SNCAIP: variants seen among roughly 807,000 people sequenced by gnomAD.
SNCAIP encodes the protein synuclein alpha interacting protein.
A neutral mutation model predicts 86.7 loss-of-function variants in SNCAIP; 43 were observed. That is an observed-to-expected ratio of 0.50 (90% confidence interval 0.39 to 0.64). SNCAIP has a LOEUF of 0.64. Ranked by LOEUF, SNCAIP falls within the 30% of genes least tolerant of loss-of-function variation. The pLI is 0.00. For missense variants in SNCAIP, 981 were observed against 1,103.1 expected (o/e 0.89, Z 1.57); for synonymous variants, 417 against 427.2 (o/e 0.98, Z 0.29).
intron 2 of SNCAIP, among the ~76,000 whole-genome samples, chr5:122,394,421 C>T (rs2152848095): frequency 1.3e-5 from 2 of 152,280 alleles, no homozygotes; most frequent in South Asian, 4.2e-4. Context: ...TGAAGTTTCC[C>T]AGACTAGAAA....
intron 1 of SNCAIP, among the ~76,000 whole-genome samples, chr5:122,331,775 A>AT (rs1755394716): frequency 6.6e-6 from 1 of 151,972 alleles, no homozygotes; most frequent in Admixed American, 6.6e-5. Flanking sequence ...ACTTTGCATT[A>AT]TTTTTTCATC....
intron 1 of SNCAIP, among the ~76,000 whole-genome samples, chr5:122,375,748 A>G (rs1314382365): frequency 6.6e-6 from 1 of 152,078 alleles, no homozygotes; most frequent in East Asian, 1.9e-4. Flanking sequence ...TTGAAAAAAA[A>G]TAATAAAAAT....
intron 1 of SNCAIP, among the ~76,000 whole-genome samples, chr5:122,385,605 C>T (rs1477410213): frequency 1.3e-5 from 2 of 151,656 alleles, no homozygotes; most frequent in South Asian, 2.1e-4. Flanking sequence ...AGCCCAATAT[C>T]GATGTTCAGG....
chr5:122,440,928 G>C (rs958293488), intron 7 of SNCAIP, 174 bp downstream of exon 7: 1 of 660,692 alleles, frequency 1.5e-6, no homozygotes, highest in African/African-American at 1.8e-5. Context: ...AATGTAGGTA[G>C]GCATAAATAT....
intron 2 of SNCAIP, among the ~76,000 whole-genome samples, chr5:122,396,188 G>A (rs1460748688): frequency 6.6e-6 from 1 of 152,044 alleles, no homozygotes; most frequent in Non-Finnish European, 1.5e-5. Flanking sequence ...CTCACACCTT[G>A]TTCTAACATC....
At chr5:122,316,825 T>C (rs1315491150) in intron 1 of SNCAIP, among the ~76,000 whole-genome samples, 8 of 152,200 alleles carry the variant, frequency 5.3e-5, no homozygotes, top group Admixed American at 4.6e-4. Context: ...GGTGGTGCCC[T>C]TACCGCAAAG....
intron 2 of SNCAIP, among the ~76,000 whole-genome samples, chr5:122,391,490 C>T (rs1336837412): frequency 2.0e-5 from 3 of 152,190 alleles, no homozygotes; most frequent in Admixed American, 1.3e-4. Context: ...AATGCAGCCA[C>T]TTTCATAGAG....
intron 2 of SNCAIP, among the ~76,000 whole-genome samples, chr5:122,398,334 G>C (rs933045112): frequency 6.6e-6 from 1 of 152,124 alleles, no homozygotes; most frequent in Non-Finnish European, 1.5e-5. Context: ...GGTTAGCAGT[G>C]GAGGAGCAGA....
At chr5:122,349,317 T>G (rs2152739878) in intron 1 of SNCAIP, among the ~76,000 whole-genome samples, 1 of 152,254 alleles carries the variant, frequency 6.6e-6, no homozygotes, top group Middle Eastern at 3.4e-3. Context: ...CCCAGGGCTG[T>G]AGAGAGGTAG....
chr5:122,427,382 T>C (rs1477514980), intron 5 of SNCAIP, among the ~76,000 whole-genome samples: 1 of 152,068 alleles, frequency 6.6e-6, no homozygotes, highest in East Asian at 1.9e-4. Context: ...CAGTGTTTTT[T>C]TTTTTTTCAT....
chr5:122,338,009 G>A (rs1345654903), intron 1 of SNCAIP, among the ~76,000 whole-genome samples: 1 of 152,280 alleles, frequency 6.6e-6, no homozygotes, highest in African/African-American at 2.4e-5. Flanking sequence ...AATAAGGAGA[G>A]TCATTGTAAT....
At chr5:122,325,303 A>G (rs147558242) in intron 1 of SNCAIP, among the ~76,000 whole-genome samples, 53 of 152,208 alleles carry the variant, frequency 3.5e-4, no homozygotes, top group African/African-American at 1.2e-3. Flanking sequence ...TCAGCAAAAG[A>G]TTAACAAACA....
In SNCAIP at chr5:122,385,730, CT is replaced by C. The variant is rs760091579; in HGVS notation, c.-46-5358del. Reference sequence around the variant, plus strand: ...GTGTGTGTAGGGGTGCAGGGAGCGGCTGTGTTTTTCTAAGAGCTGGTATATT... The same window carrying C: ...GTGTGTGTAGGGGTGCAGGGAGCGGCGTGTTTTTCTAAGAGCTGGTATATT... On this transcript the variant is annotated intron_variant, in intron 1 of 10. Transcript: ENST00000261368. 6.7e-5 allele frequency among the ~76,000 whole-genome samples: 10 copies of C among 149,250 alleles called. No individual in the cohort carries two copies. The East Asian group carries it at 2.0e-3, about 29-fold the overall frequency.
At chr5:122,463,019 A>T (rs551144345) in intron 10 of SNCAIP, among the ~76,000 whole-genome samples, 22 of 152,208 alleles carry the variant, frequency 1.4e-4, no homozygotes, top group Non-Finnish European at 2.2e-4. Flanking sequence ...TCTACTTATG[A>T]TCTTTCAACA....
chr5:122,451,028 A>C lies in SNCAIP; in HGVS notation c.2181A>C (p.Ala727=), dbSNP rs144156662. The C allele has an allele frequency of 1.2e-6, 2 of 1,614,184 alleles. No homozygotes were observed. The highest frequency in any genetic ancestry group is 1.7e-6 in the Non-Finnish European group (2 of 1,180,018). Residue 727 remains alanine (A), a synonymous_variant, in exon 10 of 11, where the codon GCA becomes GCC. Transcript: ENST00000261368. ...LHLMIKKHTL[A]SGGRRFPFSI... The stretch of plus-strand genomic sequence containing the variant: ...TGATGATTAAGAAACACACCTTGGC[A>C]TCAGGGGGACGCAGGTTTCCTTTCA...
At chr5:122,312,195 T>C (rs1333345622), upstream of SNCAIP, 1 of 151,312 alleles carries the variant, frequency 6.6e-6, no homozygotes, top group Non-Finnish European at 1.5e-5. Context: ...CTACTTCGGC[T>C]GAGGCTGTTC....
rs568003779 is a variant in SNCAIP at position 122,372,520 on chromosome 5, G to A, written c.-46-18569G>A. On this transcript the variant is annotated intron_variant, in intron 1 of 10. Coordinates refer to ENST00000261368, the MANE Select transcript of SNCAIP (RefSeq NM_005460.4). ...TGCAGTAGAGGGAAAATAGTTTGTCGTAGAGTGGATCACTATAATATACTT... is the reference window on the plus strand; with the variant it reads ...TGCAGTAGAGGGAAAATAGTTTGTCATAGAGTGGATCACTATAATATACTT... 1.1e-4 allele frequency among the ~76,000 whole-genome samples: 16 copies of A among 152,278 alleles called. No homozygotes were observed. In the East Asian group the frequency reaches 1.4e-3, roughly 13 times the overall value.
intron 1 of SNCAIP, 29 bp from the exon 2 acceptor site, chr5:122,391,060 C>A: frequency 7.8e-7 from 1 of 1,275,120 alleles, no homozygotes; most frequent in Non-Finnish European, 1.1e-6. Flanking sequence ...AATTTTTTTG[C>A]CTTTCTTTTC....
intron 2 of SNCAIP, among the ~76,000 whole-genome samples, chr5:122,393,980 G>C (rs771742586): frequency 1.1e-3 from 169 of 152,280 alleles, no homozygotes; most frequent in Non-Finnish European, 2.1e-3. Flanking sequence ...TTCTTTAAGG[G>C]CTAAGTGGAG....
Sources: gnomAD v4.1 joint callset for allele counts (sites outside exome capture counted in the v4.1 genomes callset) on GRCh38, gnomAD v4.1.1 for gene constraint, MANE v1.5 for transcripts, NCBI Gene and HGNC (gene_info 2026-07-23, HGNC 2026-07-21) for gene names.